ANKRD28: variants seen among roughly 807,000 people sequenced by gnomAD.
ANKRD28 encodes the protein serine/threonine-protein phosphatase 6 regulatory ankyrin repeat subunit A.
ANKRD28 carries 44 observed loss-of-function variants against 126.5 expected under a neutral mutation model. The observed-to-expected ratio is 0.35, with a 90% CI of 0.27 to 0.45. ANKRD28 has a LOEUF of 0.45. ANKRD28 is among the 20% of genes least tolerant of loss of function. The pLI is 1.00. For missense variants in ANKRD28, 1,110 were observed against 1,316.6 expected (o/e 0.84, Z 2.43); for synonymous variants, 442 against 468.5 (o/e 0.94, Z 0.73).
chr3:15,725,807 G>A (rs1042298349), intron 6 of ANKRD28, among the ~76,000 whole-genome samples: 5 of 152,156 alleles, frequency 3.3e-5, no homozygotes, highest in African/African-American at 1.2e-4. Context: ...AATTTGTGAG[G>A]CTGAGGCAGG....
rs1207256543 is a variant in ANKRD28, at chr3:15,739,076, C to T, written c.352-1843G>A. ...TATCTCCCTTGTTCCCTAAACATCG[C>T]TGTTATCCTGTTCTTTTTTTAAGGT... On this transcript the variant is annotated intron_variant, in intron 4 of 27. Coordinates refer to ENST00000683139, the MANE Select transcript of ANKRD28 (RefSeq NM_001349278.2). Among the ~76,000 whole-genome samples, 3 of 152,176 alleles carry T rather than the reference C, an allele frequency of 2.0e-5. 1 individual carries two copies. Among genetic ancestry groups the T allele is most frequent in the Admixed American group, 2.0e-4 (3 of 15,280 alleles).
rs1454286772 is a variant in ANKRD28, at chr3:15,816,733, C to T, written c.28-21427G>A. Among the ~76,000 whole-genome samples, 4 of 152,032 alleles carry T rather than the reference C, an allele frequency of 2.6e-5. No individual in the cohort carries two copies. The highest frequency in any genetic ancestry group is 2.1e-4 in the South Asian group (1 of 4,824). ...TATAAAATTATCAAAGTATGTCAAT[C>T]GTCTCAATTTATATATAGAAGTTAT... On this transcript the variant is annotated intron_variant, in intron 1 of 27. Coordinates refer to the ANKRD28 transcript ENST00000399451. This position sits in a 1 kb window ranked among gnomAD's most constrained non-coding sequence, Gnocchi z 5.0.
At chr3:15,821,998 A>T (rs1220012287) in intron 1 of ANKRD28, among the ~76,000 whole-genome samples, 1 of 152,198 alleles carries the variant, frequency 6.6e-6, no homozygotes, top group Non-Finnish European at 1.5e-5. Context: ...AACAATAAAC[A>T]TCTAAAGACC....
chr3:15,684,655 G>A (rs2067901776), intron 21 of ANKRD28: 2 of 152,738 alleles, frequency 1.3e-5, no homozygotes, highest in African/African-American at 4.8e-5. Flanking sequence ...GGAGTCTGAT[G>A]TGGGAGGATT....
At chr3:15,739,883 A>G (rs2075318094) in intron 4 of ANKRD28, among the ~76,000 whole-genome samples, 1 of 152,226 alleles carries the variant, frequency 6.6e-6, no homozygotes, top group South Asian at 2.1e-4. Flanking sequence ...CAGCTAATCA[A>G]AGATATATGG....
At chr3:15,737,389 C>T (rs886769116) in intron 4 of ANKRD28, among the ~76,000 whole-genome samples, 156 bp from the exon 5 acceptor site, 2 of 151,522 alleles carry the variant, frequency 1.3e-5, no homozygotes, top group Admixed American at 1.3e-4. Flanking sequence ...AGGAATTTAC[C>T]CAAGGAAAGA....
intron 4 of ANKRD28, among the ~76,000 whole-genome samples, chr3:15,742,375 G>GC (rs2057113102): frequency 1.3e-5 from 2 of 149,020 alleles, no homozygotes; most frequent in Admixed American, 1.3e-4. Context: ...TGTGGGGAGC[G>GC]CCTCTGCCCC....
intron 4 of ANKRD28, among the ~76,000 whole-genome samples, chr3:15,745,128 A>C (rs2057391533): frequency 6.6e-6 from 1 of 152,092 alleles, no homozygotes. Context: ...TAGATTCTGG[A>C]TATTACTCCT....
At chr3:15,776,935 G>A (rs2059294507) in intron 2 of ANKRD28, among the ~76,000 whole-genome samples, 1 of 152,098 alleles carries the variant, frequency 6.6e-6, no homozygotes, top group Non-Finnish European at 1.5e-5. Flanking sequence ...CGTTGCTTTT[G>A]TTGGTTTAGG....
intron 27 of ANKRD28, among the ~76,000 whole-genome samples, chr3:15,673,346 A>T (rs571609121): frequency 6.6e-6 from 1 of 152,208 alleles, no homozygotes; most frequent in Non-Finnish European, 1.5e-5. Flanking sequence ...ATATCATCAG[A>T]AGTTAGTACA....
chr3:15,727,909 C>G (rs929486711), intron 6 of ANKRD28, among the ~76,000 whole-genome samples: 11 of 152,124 alleles, frequency 7.2e-5, no homozygotes, highest in African/African-American at 2.7e-4. Flanking sequence ...GAAATGACAA[C>G]AAAGCTTTTA....
At chr3:15,771,648 C>T (rs1030408729) in intron 2 of ANKRD28, among the ~76,000 whole-genome samples, 1 of 152,116 alleles carries the variant, frequency 6.6e-6, no homozygotes, top group Non-Finnish European at 1.5e-5. Flanking sequence ...AAAGGATCTG[C>T]CCCCATGATC....
At chr3:15,683,367 T>C (rs1205019917) in intron 21 of ANKRD28, among the ~76,000 whole-genome samples, 1 of 152,202 alleles carries the variant, frequency 6.6e-6, no homozygotes, top group Non-Finnish European at 1.5e-5. Context: ...CAAACATCAA[T>C]GGCAAAATAC....
chr3:15,819,263 G>A (rs1452919163), intron 1 of ANKRD28, among the ~76,000 whole-genome samples: 1 of 152,122 alleles, frequency 6.6e-6, no homozygotes, highest in African/African-American at 2.4e-5. Context: ...GGGCAATAGA[G>A]CAAGACCCTT....
chr3:15,857,868 C>T (rs1165182655), intron 1 of ANKRD28, among the ~76,000 whole-genome samples: 3 of 152,176 alleles, frequency 2.0e-5, no homozygotes, highest in Admixed American at 2.0e-4. Context: ...AGGAAAACAT[C>T]GATCAGTCAT....
At chr3:15,852,649 C>T (rs550929296) in intron 1 of ANKRD28, among the ~76,000 whole-genome samples, 11 of 151,368 alleles carry the variant, frequency 7.3e-5, no homozygotes, top group South Asian at 2.1e-4. Flanking sequence ...CTGGCTAACA[C>T]GGTGAAACCC....
chr3:15,785,681 T>A (rs752797897), intron 2 of ANKRD28, among the ~76,000 whole-genome samples: 1 of 151,848 alleles, frequency 6.6e-6, no homozygotes, highest in Non-Finnish European at 1.5e-5. Context: ...TCTTACCTTA[T>A]GATCCTGCAA....
chr3:15,686,163 G>C (rs545914309), intron 19 of ANKRD28, 44 bp from the exon 20 acceptor site: 137 of 1,599,246 alleles, frequency 8.6e-5, no homozygotes, highest in Non-Finnish European at 1.1e-4. Flanking sequence ...ACTTAAGACT[G>C]TACTCTGGTT....
At position 15,777,236 on chromosome 3, in the gene ANKRD28, T is replaced by C. The variant is rs2059317499; in HGVS notation, c.202-10924A>G. On this transcript the variant is annotated intron_variant, in intron 2 of 27. Transcript: ENST00000683139. ...TTGCAGTGAGCTGAGATTGCGCCACTGTACCAGCCTAGGTGACAGAGCGAG... is the reference window on the plus strand; with the variant it reads ...TTGCAGTGAGCTGAGATTGCGCCACCGTACCAGCCTAGGTGACAGAGCGAG... Among the ~76,000 whole-genome samples, 8 of 140,884 alleles carry C rather than the reference T, an allele frequency of 5.7e-5. No individual in the cohort carries two copies. In the South Asian group the frequency reaches 1.8e-3, roughly 31 times the overall value. 92.4% of individuals were successfully genotyped at this position (140,884 alleles called of 152,430 possible).
Sources: allele counts gnomAD v4.1 joint callset (sites outside exome capture counted in the v4.1 genomes callset), GRCh38; gene constraint gnomAD v4.1.1; non-coding constraint Gnocchi (gnomAD v3.1); transcripts MANE v1.5; gene names NCBI Gene and HGNC (gene_info 2026-07-23, HGNC 2026-07-21).